The following ERGIC1 variants were observed in gnomAD, a reference collection of about 807,000 sequenced individuals.
ERGIC1 encodes the protein endoplasmic reticulum-golgi intermediate compartment 1.
A neutral mutation model predicts 38.3 loss-of-function variants in ERGIC1; 19 were observed. The observed-to-expected ratio is 0.50, with a 90% confidence interval of 0.35 to 0.73. The LOEUF is 0.73. Among genes scored for constraint, ERGIC1 ranks in the 30% least tolerant of loss-of-function variants. ERGIC1 has a pLI of 0.01. For synonymous variants in ERGIC1, 124 were observed against 157.6 expected (o/e 0.79, Z 1.60); for missense variants, 294 against 389.2 (o/e 0.76, Z 2.06).
intron 4 of ERGIC1, 24 bp downstream of exon 4, chr5:172,909,785 C>T: frequency 6.2e-7 from 1 of 1,603,918 alleles, no homozygotes; most frequent in South Asian, 1.1e-5. Context: ...GCAGCCCCTC[C>T]CTCCAGCAGG....
chr5:172,896,713 T>C (rs1176744692), intron 2 of ERGIC1, among the ~76,000 whole-genome samples: 1 of 152,246 alleles, frequency 6.6e-6, no homozygotes, highest in Non-Finnish European at 1.5e-5. Flanking sequence ...CAGCCTCTAC[T>C]TTTGGCTGGC....
chr5:172,942,377 T>G (rs1435484303), intron 9 of ERGIC1, among the ~76,000 whole-genome samples: 3 of 152,088 alleles, frequency 2.0e-5, no homozygotes, highest in Admixed American at 6.5e-5. Context: ...CCCGCTACCC[T>G]GCTCAGGGTT....
chr5:172,940,009 A>G (rs1581588595), intron 9 of ERGIC1, among the ~76,000 whole-genome samples: 1 of 152,044 alleles, frequency 6.6e-6, no homozygotes, highest in East Asian at 1.9e-4. Flanking sequence ...TAAACGGCAA[A>G]TGGGGGCCTC....
intron 3 of ERGIC1, among the ~76,000 whole-genome samples, chr5:172,897,428 CAAA>C (rs71310033): frequency 6.4e-5 from 7 of 109,942 alleles, no homozygotes; most frequent in Non-Finnish European, 7.7e-5. Flanking sequence ...GACCCTGTTT[CAAA>C]AAAAAAAAAA....
chr5:172,889,342 T>G (rs909505689), intron 2 of ERGIC1, among the ~76,000 whole-genome samples: 1 of 152,014 alleles, frequency 6.6e-6, no homozygotes, highest in African/African-American at 2.4e-5. Flanking sequence ...GGAAGGAGAT[T>G]TACTTTTCTC....
intron 5 of ERGIC1, chr5:172,917,586 G>A (rs1383295466): frequency 6.6e-6 from 1 of 152,168 alleles, no homozygotes; most frequent in Non-Finnish European, 1.5e-5. Flanking sequence ...TACCTACGGA[G>A]AGGCTGTAGA....
intron 1 of ERGIC1, among the ~76,000 whole-genome samples, chr5:172,842,485 G>A (rs1264204214): frequency 6.6e-6 from 1 of 152,222 alleles, no homozygotes; most frequent in African/African-American, 2.4e-5. Flanking sequence ...GAGCATGGGA[G>A]TGCAGATGTC....
intron 1 of ERGIC1, among the ~76,000 whole-genome samples, chr5:172,874,295 G>T (rs1326631701): frequency 6.6e-6 from 1 of 151,960 alleles, no homozygotes; most frequent in Non-Finnish European, 1.5e-5. Context: ...TGGCCAGGCT[G>T]GTCTTGAACT....
At chr5:172,839,922 C>A (rs1761120920) in intron 1 of ERGIC1, among the ~76,000 whole-genome samples, 1 of 152,224 alleles carries the variant, frequency 6.6e-6, no homozygotes, top group South Asian at 2.1e-4. Flanking sequence ...GTAGGCTCAT[C>A]TCTAAAGCTT....
In ERGIC1 at chr5:172,834,298, CA is replaced by C. The variant is rs559560998; in HGVS notation, c.-115del. The C allele has an allele frequency of 1.4e-3, 1,466 of 1,020,840 alleles. 11 individuals are homozygous for C. In the African/African-American group the frequency reaches 0.021, roughly 15 times the overall value. 63.2% of individuals were successfully genotyped at this position (1,020,840 alleles called of 1,614,324 possible). The stretch of plus-strand genomic sequence containing the variant: ...GTGGCGAGTGGCGAGTGGCGAGTGT[CA>C]GGGGGGCGGCCGGCGGGGGCGGGGC... On this transcript the variant is annotated 5_prime_UTR_variant, in exon 1 of 10. Coordinates refer to ENST00000393784, the MANE Select transcript of ERGIC1 (RefSeq NM_001031711.3). This position sits in a 1 kb window ranked among gnomAD's most constrained non-coding sequence, Gnocchi z 4.1.
chr5:172,849,679 CAT>C (rs1761356902), intron 1 of ERGIC1, among the ~76,000 whole-genome samples: 1 of 152,182 alleles, frequency 6.6e-6, no homozygotes, highest in Non-Finnish European at 1.5e-5. Flanking sequence ...TGGCAGGAGT[CAT>C]ATGTGTCTTG....
intron 1 of ERGIC1, among the ~76,000 whole-genome samples, chr5:172,838,798 G>A (rs558303205): frequency 1.3e-5 from 2 of 152,134 alleles, no homozygotes; most frequent in East Asian, 1.9e-4. Context: ...CCTACACCAA[G>A]CTAAGCCTCA....
intron 7 of ERGIC1, 127 bp from the exon 8 acceptor site, chr5:172,932,309 G>T: frequency 1.2e-6 from 1 of 811,112 alleles, no homozygotes; most frequent in Non-Finnish European, 2.0e-6. Context: ...GCAGTTGGTT[G>T]GTGGTAAAAC....
chr5:172,870,701 G>GA (rs1761982124), intron 1 of ERGIC1, among the ~76,000 whole-genome samples: 1 of 152,252 alleles, frequency 6.6e-6, no homozygotes. Flanking sequence ...GCAGATATGG[G>GA]AAATTTAGCA....
chr5:172,873,295 C>A (rs1317551907), intron 1 of ERGIC1, among the ~76,000 whole-genome samples: 3 of 152,232 alleles, frequency 2.0e-5, no homozygotes, highest in East Asian at 1.9e-4. Flanking sequence ...TTGCTCCCCC[C>A]AGCCCAGCAC....
intron 1 of ERGIC1, among the ~76,000 whole-genome samples, chr5:172,853,631 G>A (rs929365369): frequency 6.6e-5 from 10 of 152,238 alleles, no homozygotes; most frequent in African/African-American, 2.4e-4. Context: ...ATGGGATGTG[G>A]GAATCAGGGT....
chr5:172,915,907 A>C lies in ERGIC1; in HGVS notation c.375+1069A>C, dbSNP rs182920511. On this transcript the variant is annotated intron_variant, in intron 5 of 9. Transcript: ENST00000393784. ...AAAGTCACTGGCCACATCCAGCCCA[A>C]AGATAAATTTTGTTTGTCCAGTATA... is the stretch of plus-strand genomic sequence containing the variant. The C allele has an allele frequency of 1.2e-4, 34 of 283,532 alleles. No individual in the cohort carries two copies. In the Admixed American group the frequency reaches 1.6e-3, roughly 14 times the overall value. 17.6% of individuals were successfully genotyped at this position (283,532 alleles called of 1,614,324 possible).
At chr5:172,859,432 A>G (rs939124180) in intron 1 of ERGIC1, among the ~76,000 whole-genome samples, 2 of 152,074 alleles carry the variant, frequency 1.3e-5, no homozygotes, top group Non-Finnish European at 2.9e-5. Context: ...AAAAGGCCAT[A>G]TTCCATCCTG....
In ERGIC1 at chr5:172,897,139, G is replaced by A. The variant is rs368557073; in HGVS notation, c.155+65G>A. Reference sequence around the variant, plus strand: ...TGGGACCCCAGACAAGAAGAGGGAGGGGTCTTTGGCCAGGTTTGGTGGCTA... The same window carrying A: ...TGGGACCCCAGACAAGAAGAGGGAGAGGTCTTTGGCCAGGTTTGGTGGCTA... On this transcript the variant is annotated intron_variant, in intron 3 of 9. Transcript: ENST00000393784. The A allele has an allele frequency of 5.3e-5, 81 of 1,529,770 alleles. 1 individual carries two copies. In the East Asian group the frequency reaches 1.5e-3, roughly 29 times the overall value. The allele number at this position is 1,529,770 out of a possible 1,614,324, so 94.8% of individuals were successfully genotyped here. A position where few individuals can be genotyped will look rare whatever the true frequency, so the allele number is the denominator to read the frequency against.
Sources: allele counts gnomAD v4.1 joint callset (sites outside exome capture counted in the v4.1 genomes callset), GRCh38; gene constraint gnomAD v4.1.1; non-coding constraint Gnocchi (gnomAD v3.1); transcripts MANE v1.5; gene names NCBI Gene and HGNC (gene_info 2026-07-23, HGNC 2026-07-21).